The following EFCAB5 variants were observed in gnomAD, a reference collection of about 807,000 sequenced individuals.
EFCAB5 encodes EF-hand calcium-binding domain-containing protein 5.
In EFCAB5, 131 loss-of-function variants were observed where a neutral mutation model predicts 167.9. The ratio of observed to expected loss-of-function variants is 0.78; its 90% CI spans 0.68 to 0.90. The LOEUF (loss-of-function observed/expected upper bound fraction) is 0.90. EFCAB5 is among the 40% of genes least tolerant of loss of function. The probability of loss-of-function intolerance (pLI) is 0.00; values close to 1 mark genes in which losing one functional copy is unlikely to be tolerated. For synonymous variants in EFCAB5, 574 were observed against 602.8 expected (o/e 0.95, Z 0.70); for missense variants, 1,663 against 1,745.2 (o/e 0.95, Z 0.84).
chr17:29,955,782 A>G (rs1031697852), intron 3 of EFCAB5, among the ~76,000 whole-genome samples: 1 of 144,438 alleles, frequency 6.9e-6, no homozygotes, highest in Non-Finnish European at 1.5e-5. Flanking sequence ...TAAACTACCA[A>G]TGACATTCTT....
intron 22 of EFCAB5, among the ~76,000 whole-genome samples, chr17:30,095,697 G>C (rs1363506537): frequency 1.3e-5 from 2 of 152,226 alleles, no homozygotes; most frequent in East Asian, 3.8e-4. Flanking sequence ...GTAGGAAACA[G>C]CACTGAATCT....
At chr17:30,036,410 TAGAG>T (rs1019505833) in intron 8 of EFCAB5, among the ~76,000 whole-genome samples, 20 of 137,354 alleles carry the variant, frequency 1.5e-4, no homozygotes, top group African/African-American at 4.1e-4. Context: ...TATATAATAT[TAGAG>T]AGAGAGAGAG....
chr17:29,944,830 C>G (rs988366032), intron 3 of EFCAB5, among the ~76,000 whole-genome samples: 1 of 151,986 alleles, frequency 6.6e-6, no homozygotes. Context: ...CCAATGTTGG[C>G]CAGGCTGGTC....
intron 4 of EFCAB5, chr17:29,972,762 A>G: frequency 4.4e-6 from 1 of 224,902 alleles, no homozygotes; most frequent in South Asian, 7.7e-5. Context: ...CACTACCAGG[A>G]CCTGCGAAGG....
chr17:30,093,082 TA>T (rs1383058277), intron 22 of EFCAB5, 146 bp downstream of exon 22: 13 of 526,318 alleles, frequency 2.5e-5, no homozygotes, highest in African/African-American at 2.4e-4. Flanking sequence ...GGACACTATG[TA>T]ATCTATTGCA....
intron 22 of EFCAB5, among the ~76,000 whole-genome samples, chr17:30,093,598 A>C (rs1022204037): frequency 6.6e-6 from 1 of 152,218 alleles, no homozygotes; most frequent in Admixed American, 6.5e-5. Context: ...CCAACGCAGA[A>C]GAGTTTCTGG....
intron 19 of EFCAB5, among the ~76,000 whole-genome samples, chr17:30,090,011 C>G (rs55962398): frequency 0.1 from 15,731 of 152,252 alleles, 2,669 homozygotes; most frequent in African/African-American, 0.36. Context: ...CTTGCATAAG[C>G]ATCCCTGTCT....
Position 30,107,830 on chromosome 17 carries a change from G to A in EFCAB5, c.4322-4G>A, listed in dbSNP as rs767916804. 2 of 1,534,202 alleles carry A rather than the reference G, an allele frequency of 1.3e-6. No homozygotes were observed. Among genetic ancestry groups the A allele is most frequent in the Non-Finnish European group, 1.7e-6 (2 of 1,147,704 alleles). On this transcript the variant is annotated splice_region_variant and splice_polypyrimidine_tract_variant and intron_variant, in intron 22 of 22. Coordinates refer to ENST00000394835, the MANE Select transcript of EFCAB5 (RefSeq NM_198529.4). The stretch of plus-strand genomic sequence containing the variant: ...CTTACTTTTCTTTTTTTTTCCTGAT[G>A]CAGATCATTCCCGAACTGAAGTATG...
In EFCAB5 at chr17:30,081,310, G is replaced by A. The variant is rs141194650; in HGVS notation, c.3426+329G>A. Among the ~76,000 whole-genome samples, 769 of 152,280 alleles carry A rather than the reference G, an allele frequency of 5.0e-3. 8 individuals carry two copies. Among genetic ancestry groups the A allele is most frequent in the African/African-American group, 0.018 (729 of 41,562 alleles). On this transcript the variant is annotated intron_variant, in intron 17 of 22. Transcript: ENST00000394835. ...GCGGGAATGAACTTTTAGAAGGGAC[G>A]TATTTGTGTTTTACTAACAGTGGTA...
At position 29,993,246 on chromosome 17, in the gene EFCAB5, C is replaced by T; in HGVS notation, c.849C>T (p.Asn283=). Residue 283 remains asparagine (N), a synonymous_variant, in exon 5 of 23, where the codon AAC becomes AAT. Transcript: ENST00000394835. ...ACAAAATCATAGTCAAGGTGGCCAA[C>T]ACACGGAAACAGGCTCTGCAGGAGC... ...SIDKIIVKVA[N]TRKQALQEQF... is the part of the protein sequence containing the mutation. The T allele has an allele frequency of 6.2e-7, 1 of 1,613,818 alleles. No homozygotes were observed. The highest frequency in any genetic ancestry group is 8.5e-7 in the Non-Finnish European group (1 of 1,179,796).
chr17:30,060,097 C>T (rs2070385015), intron 14 of EFCAB5, among the ~76,000 whole-genome samples: 1 of 152,192 alleles, frequency 6.6e-6, no homozygotes. Context: ...TTGCAGAATG[C>T]TTTGTCCAAA....
At chr17:30,056,900 T>A (rs1309295498) in intron 12 of EFCAB5, among the ~76,000 whole-genome samples, 1 of 152,200 alleles carries the variant, frequency 6.6e-6, no homozygotes, top group African/African-American at 2.4e-5. Context: ...TCAATTTTGC[T>A]TTACCAATAT....
intron 14 of EFCAB5, among the ~76,000 whole-genome samples, chr17:30,060,952 G>A (rs916861506): frequency 3.3e-5 from 5 of 152,270 alleles, no homozygotes; most frequent in South Asian, 2.1e-4. Context: ...CAAAACGAAG[G>A]CTTTAGATAT....
chr17:29,985,765 C>T (rs187442023), intron 4 of EFCAB5, among the ~76,000 whole-genome samples: 2 of 152,278 alleles, frequency 1.3e-5, no homozygotes, highest in East Asian at 1.9e-4. Context: ...GCCCTCTTTC[C>T]GGTAAACTCA....
intron 14 of EFCAB5, chr17:30,069,184 G>A: frequency 6.5e-7 from 1 of 1,548,526 alleles, no homozygotes; most frequent in Non-Finnish European, 8.9e-7. Context: ...TTCTGAGAAA[G>A]TTTCACAGTG....
chr17:30,080,559 T>TG (rs2070966193), intron 16 of EFCAB5, among the ~76,000 whole-genome samples, 194 bp from the exon 17 acceptor site: 1 of 152,150 alleles, frequency 6.6e-6, no homozygotes, highest in Non-Finnish European at 1.5e-5. Context: ...TGTTTTTTTT[T>TG]TTTTTGTTTG....
intron 18 of EFCAB5, 58 bp from the exon 19 acceptor site, chr17:30,087,005 G>T: frequency 2.0e-6 from 3 of 1,491,752 alleles, no homozygotes; most frequent in South Asian, 2.4e-5. Context: ...GTCCCCAAAA[G>T]CTTTAATGAG....
intron 7 of EFCAB5, among the ~76,000 whole-genome samples, chr17:30,018,078 A>C (rs1249423859): frequency 6.6e-6 from 1 of 152,078 alleles, no homozygotes; most frequent in African/African-American, 2.4e-5. Context: ...TTATACCTAA[A>C]CCATACCTTG....
chr17:29,975,407 C>A (rs1034903687), intron 4 of EFCAB5, among the ~76,000 whole-genome samples: 4 of 152,080 alleles, frequency 2.6e-5, no homozygotes, highest in Non-Finnish European at 5.9e-5. Flanking sequence ...AGGTGCGTAC[C>A]ACCATGCCCA....
Sources: gnomAD v4.1 joint callset for allele counts (sites outside exome capture counted in the v4.1 genomes callset) on GRCh38, gnomAD v4.1.1 for gene constraint, MANE v1.5 for transcripts, NCBI Gene and HGNC (gene_info 2026-07-23, HGNC 2026-07-21) for gene names.